The following SCGB2B2 variants were observed in gnomAD, a reference collection of about 807,000 sequenced individuals.
SCGB2B2 encodes the protein secretoglobin family 2B member 2.
SCGB2B2 carries 11 observed loss-of-function variants against 7.6 expected under a neutral mutation model. That is an observed-to-expected ratio of 1.45 (90% CI 0.91 to 2.40). The LOEUF is 2.40. Ranked by LOEUF, SCGB2B2 falls within the 30% of genes most tolerant of loss-of-function variation. The pLI is 0.00. For missense variants in SCGB2B2, 104 were observed against 115.4 expected (o/e 0.90, Z 0.45); for synonymous variants, 50 against 48.6 (o/e 1.03, Z -0.12).
intron 1 of SCGB2B2, among the ~76,000 whole-genome samples, chr19:34,667,264 C>T (rs2067656573): frequency 6.6e-6 from 1 of 152,128 alleles, no homozygotes; most frequent in Admixed American, 6.5e-5. Flanking sequence ...CTGCTGTCAA[C>T]CCCATCCTAT....
At chr19:34,586,909 GT>G (rs377157929), downstream of SCGB2B2, among the ~76,000 whole-genome samples, 343 of 152,234 alleles carry the variant, frequency 2.3e-3, 2 homozygotes, top group African/African-American at 7.9e-3. Context: ...TGTTGTTGTT[GT>G]TGTTGTTGTT....
chr19:34,637,642 C>T (rs8108094), intron 1 of SCGB2B2: 84,911 of 156,718 alleles, frequency 0.54, 23,676 homozygotes, highest in African/African-American at 0.64. Flanking sequence ...TCTAAAATTG[C>T]TAAAATGGTT....
chr19:34,665,525 G>A (rs2067590793), intron 1 of SCGB2B2, among the ~76,000 whole-genome samples: 1 of 152,214 alleles, frequency 6.6e-6, no homozygotes, highest in Non-Finnish European at 1.5e-5. Flanking sequence ...TGCACGATCT[G>A]GTCATGTCAT....
chr19:34,593,937 G>A (rs912755891), intron 3 of SCGB2B2, among the ~76,000 whole-genome samples: 5 of 151,988 alleles, frequency 3.3e-5, no homozygotes, highest in Non-Finnish European at 5.9e-5. Flanking sequence ...GGCCTCTCCC[G>A]GGCACCAGGG....
At chr19:34,636,522 A>G (rs187108331) in intron 1 of SCGB2B2, among the ~76,000 whole-genome samples, 1 of 152,356 alleles carries the variant, frequency 6.6e-6, no homozygotes, top group Admixed American at 6.5e-5. Flanking sequence ...GCAACTGAGT[A>G]GCTGTTCAAG....
chr19:34,666,552 C>A (rs899749070), intron 1 of SCGB2B2, among the ~76,000 whole-genome samples: 1 of 152,116 alleles, frequency 6.6e-6, no homozygotes, highest in African/African-American at 2.4e-5. Flanking sequence ...CCACCTGCTG[C>A]GCCCACTGGG....
chr19:34,599,498 G>GA (rs1423514136), intron 1 of SCGB2B2, among the ~76,000 whole-genome samples: 1 of 152,244 alleles, frequency 6.6e-6, no homozygotes, highest in African/African-American at 2.4e-5. Context: ...GCAAGAGACA[G>GA]AATGAGAGCC....
intron 1 of SCGB2B2, among the ~76,000 whole-genome samples, chr19:34,602,758 A>G (rs1568429260): frequency 1.3e-5 from 2 of 152,008 alleles, no homozygotes; most frequent in African/African-American, 4.8e-5. Flanking sequence ...CCTTTTCCTT[A>G]TCTCCCTTTA....
At chr19:34,625,503 C>G (rs1366210420) in intron 1 of SCGB2B2, among the ~76,000 whole-genome samples, 3 of 152,210 alleles carry the variant, frequency 2.0e-5, no homozygotes, top group African/African-American at 4.8e-5. Context: ...GTCCTACAAC[C>G]ACGGAGCCTC....
chr19:34,631,423 T>C (rs1223397490), intron 1 of SCGB2B2, among the ~76,000 whole-genome samples: 2 of 152,056 alleles, frequency 1.3e-5, no homozygotes, highest in Non-Finnish European at 2.9e-5. Context: ...GCCAAAAGAT[T>C]GGACACCTCT....
chr19:34,665,964 C>T (rs2067607556), intron 1 of SCGB2B2, among the ~76,000 whole-genome samples: 1 of 152,062 alleles, frequency 6.6e-6, no homozygotes. Context: ...GGAGGGAGGG[C>T]GGCCCTCTGC....
intron 1 of SCGB2B2, among the ~76,000 whole-genome samples, chr19:34,666,938 A>T (rs1027162649): frequency 2.4e-4 from 37 of 152,040 alleles, no homozygotes; most frequent in African/African-American, 8.7e-4. Flanking sequence ...CTGACCGAGG[A>T]CAAGGACACC....
At chr19:34,613,782 CTTCT>C (rs1195864255) in intron 1 of SCGB2B2, among the ~76,000 whole-genome samples, 1 of 152,132 alleles carries the variant, frequency 6.6e-6, no homozygotes, top group African/African-American at 2.4e-5. Flanking sequence ...AGATGTAGTA[CTTCT>C]TTGAGTATTT....
intron 1 of SCGB2B2, among the ~76,000 whole-genome samples, chr19:34,668,864 C>T (rs1170593590): frequency 2.0e-5 from 3 of 152,112 alleles, no homozygotes; most frequent in Admixed American, 6.5e-5. Context: ...ACAGACGGCT[C>T]GGCTCTCTGT....
chr19:34,620,586 A>G (rs1218809774), intron 1 of SCGB2B2, among the ~76,000 whole-genome samples: 1 of 152,094 alleles, frequency 6.6e-6, no homozygotes, highest in Non-Finnish European at 1.5e-5. Flanking sequence ...TAATGGGTGC[A>G]GCACACCAAC....
At chr19:34,606,901 C>A (rs2065796673) in intron 1 of SCGB2B2, among the ~76,000 whole-genome samples, 1 of 151,968 alleles carries the variant, frequency 6.6e-6, no homozygotes, top group South Asian at 2.1e-4. Context: ...TGGAATGTAT[C>A]CCCTGCAGAT....
chr19:34,602,868 T>A (rs2065669718), intron 1 of SCGB2B2, among the ~76,000 whole-genome samples: 2 of 152,200 alleles, frequency 1.3e-5, no homozygotes, highest in Admixed American at 1.3e-4. Flanking sequence ...TCCTCAGGTG[T>A]CCCATGTGAG....
intron 1 of SCGB2B2, among the ~76,000 whole-genome samples, chr19:34,675,123 T>C (rs987516744): frequency 1.3e-5 from 2 of 152,212 alleles, no homozygotes; most frequent in African/African-American, 4.8e-5. Flanking sequence ...ATTTCACACC[T>C]AGTAGATTAT....
intron 1 of SCGB2B2, among the ~76,000 whole-genome samples, chr19:34,641,218 T>C (rs1026584774): frequency 1.3e-5 from 2 of 152,162 alleles, no homozygotes; most frequent in African/African-American, 2.4e-5. Flanking sequence ...TGGTATTATT[T>C]TCTGGTAGTC....
Sources: gnomAD v4.1 joint callset for allele counts (sites outside exome capture counted in the v4.1 genomes callset) on GRCh38, gnomAD v4.1.1 for gene constraint, MANE v1.5 for transcripts, NCBI Gene and HGNC (gene_info 2026-07-23, HGNC 2026-07-21) for gene names.